Variants in MAST2 observed in about 807,000 individuals in gnomAD.
MAST2 encodes the protein microtubule-associated serine/threonine-protein kinase 2.
Under a neutral mutation model 147.4 loss-of-function variants are expected in MAST2, and 70 were observed. The observed-to-expected ratio is 0.47, with a 90% CI of 0.39 to 0.58. The LOEUF is 0.58. MAST2 is among the 20% of genes least tolerant of loss of function. MAST2 has a pLI of 0.00. For missense variants in MAST2, 2,080 were observed against 2,302.3 expected, an observed-to-expected ratio of 0.90 and a Z score of 1.98; for synonymous variants, 869 against 896.8, an observed-to-expected ratio of 0.97 and a Z score of 0.55.
At chr1:46,003,213 T>A (rs759454306) in intron 7 of MAST2, among the ~76,000 whole-genome samples, 2 of 152,166 alleles carry the variant, frequency 1.3e-5, no homozygotes, top group Non-Finnish European at 2.9e-5. Context: ...TCCTCCATCC[T>A]TATTTCTAGA....
At chr1:45,817,621 G>A (rs1051651496) in intron 1 of MAST2, among the ~76,000 whole-genome samples, 1 of 152,050 alleles carries the variant, frequency 6.6e-6, no homozygotes, top group Non-Finnish European at 1.5e-5. Flanking sequence ...TGAGCAATAA[G>A]AAATCATCTG....
At chr1:45,873,857 G>C (rs1045741499) in intron 3 of MAST2, among the ~76,000 whole-genome samples, 1 of 152,164 alleles carries the variant, frequency 6.6e-6, no homozygotes, top group Non-Finnish European at 1.5e-5. Context: ...ATCTCTCTCT[G>C]TTGCCCAGGC....
At chr1:45,966,101 A>G (rs933120827) in intron 5 of MAST2, among the ~76,000 whole-genome samples, 25 of 152,198 alleles carry the variant, frequency 1.6e-4, no homozygotes, top group Non-Finnish European at 2.8e-4. Context: ...CCAGAATGTC[A>G]TATAGTTGGA....
intron 3 of MAST2, chr1:45,847,112 A>G (rs1570352799): frequency 2.0e-6 from 1 of 492,570 alleles, no homozygotes; most frequent in East Asian, 5.7e-5. Context: ...GAATTGCATC[A>G]TTAGCACAGA....
rs1431803851 is a variant in MAST2 at position 46,000,708 on chromosome 1, G to A, written c.669-2097G>A. 2.0e-5 allele frequency among the ~76,000 whole-genome samples: 3 copies of A among 152,232 alleles called. No individual in the cohort carries two copies. In the East Asian group the frequency reaches 5.8e-4, roughly 29 times the overall value. On this transcript the variant is annotated intron_variant, in intron 6 of 28. Transcript: ENST00000361297. Reference sequence around the variant, plus strand: ...AAGTGTTTCAACCCTGCCAAACAGAGTATCAGGAATCGTTTGTTTCTGTGT... The same window carrying A: ...AAGTGTTTCAACCCTGCCAAACAGAATATCAGGAATCGTTTGTTTCTGTGT...
intron 4 of MAST2, among the ~76,000 whole-genome samples, chr1:45,930,425 T>TGTTTTG (rs745621771): frequency 2.0e-5 from 3 of 151,302 alleles, no homozygotes; most frequent in Non-Finnish European, 4.4e-5. Context: ...TGTTTTGTTT[T>TGTTTTG]GTTTATCTTA....
chr1:45,891,507 C>T (rs1171306385), intron 4 of MAST2, among the ~76,000 whole-genome samples: 3 of 152,054 alleles, frequency 2.0e-5, no homozygotes, highest in African/African-American at 7.2e-5. Flanking sequence ...AATTATTTCA[C>T]ATAACGTCAG....
intron 3 of MAST2, among the ~76,000 whole-genome samples, chr1:45,867,039 C>G (rs1468790710): frequency 6.6e-6 from 1 of 152,106 alleles, no homozygotes; most frequent in African/African-American, 2.4e-5. Flanking sequence ...TGTGAGCCAC[C>G]GCACCCAGCC....
intron 5 of MAST2, among the ~76,000 whole-genome samples, chr1:45,968,398 G>A (rs1643714966): frequency 6.6e-6 from 1 of 151,154 alleles, no homozygotes; most frequent in Non-Finnish European, 1.5e-5. Flanking sequence ...TTTTTTGTTA[G>A]GGAAAATCTT....
At chr1:45,949,714 C>G (rs1557951483) in intron 4 of MAST2, among the ~76,000 whole-genome samples, 1 of 152,180 alleles carries the variant, frequency 6.6e-6, no homozygotes, top group Admixed American at 6.5e-5. Flanking sequence ...AATTTCATTA[C>G]TAGGTATATA....
chr1:45,850,942 A>G (rs565127559), intron 3 of MAST2, among the ~76,000 whole-genome samples: 45 of 144,188 alleles, frequency 3.1e-4, no homozygotes, highest in African/African-American at 1.0e-3. Context: ...TGTTTTGGCT[A>G]TTTGAGCTCT....
At chr1:46,027,933 C>T (rs367586843) in intron 17 of MAST2, 70 bp downstream of exon 17, 96 of 1,571,290 alleles carry the variant, frequency 6.1e-5, no homozygotes, top group South Asian at 5.5e-4. Context: ...GTCTTACGCC[C>T]GTAATCCCAA....
chr1:45,906,268 A>G (rs1462319134), intron 4 of MAST2, among the ~76,000 whole-genome samples: 5 of 152,186 alleles, frequency 3.3e-5, no homozygotes, highest in Non-Finnish European at 5.9e-5. Context: ...ATCCCATAAG[A>G]TTATAAAGGA....
intron 3 of MAST2, among the ~76,000 whole-genome samples, chr1:45,875,938 A>G (rs1646587197): frequency 6.6e-6 from 1 of 152,118 alleles, no homozygotes. Context: ...AAGCAGAACT[A>G]AAAGGACAGT....
chr1:45,876,543 G>A (rs1051763012), intron 3 of MAST2, among the ~76,000 whole-genome samples: 1 of 152,206 alleles, frequency 6.6e-6, no homozygotes, highest in Non-Finnish European at 1.5e-5. Context: ...GTTGCTGGAA[G>A]GTTATGAGTA....
At chr1:45,968,187 TTATCC>T (rs1247204854) in intron 5 of MAST2, among the ~76,000 whole-genome samples, 1 of 152,224 alleles carries the variant, frequency 6.6e-6, no homozygotes, top group Non-Finnish European at 1.5e-5. Context: ...TAAGGGATAC[TTATCC>T]TATATTATGT....
At chr1:46,019,967 C>T (rs954074523) in intron 11 of MAST2, among the ~76,000 whole-genome samples, 3 of 152,142 alleles carry the variant, frequency 2.0e-5, no homozygotes, top group African/African-American at 4.8e-5. Flanking sequence ...GGGTGAGAAG[C>T]GTCAGGAGCA....
rs746463181 is a variant in MAST2, at chr1:46,031,372, T to G, written c.2993-19T>G. Reference sequence around the variant, plus strand: ...GGCTCAGCGGCATCGCGGGTCTCACTGCTTACTTGGGCCTACAGCTATGGA... The same window carrying G: ...GGCTCAGCGGCATCGCGGGTCTCACGGCTTACTTGGGCCTACAGCTATGGA... On this transcript the variant is annotated intron_variant, in intron 23 of 28. Transcript: ENST00000361297. The surrounding 1 kb of genome is among the most constrained non-coding windows in gnomAD (Gnocchi z 4.1). The G allele has an allele frequency of 1.9e-6, 3 of 1,599,916 alleles. No homozygotes were observed. Among genetic ancestry groups the G allele is most frequent in the Admixed American group, 1.7e-5 (1 of 59,152 alleles).
chr1:46,008,655 T>G lies in MAST2; in HGVS notation c.978+284T>G, dbSNP rs77827945. On this transcript the variant is annotated intron_variant, in intron 9 of 28. Transcript: ENST00000361297. ...TATCCAGAGGGGAATGTCAGAAAGG[T>G]AGCCCACCATATATTAAAGAGGAAA... 7.4e-4 allele frequency among the ~76,000 whole-genome samples: 112 copies of G among 152,344 alleles called. 1 individual carries two copies. The East Asian group carries it at 0.011, about 15-fold the overall frequency.
Sources: allele counts gnomAD v4.1 joint callset (sites outside exome capture counted in the v4.1 genomes callset), GRCh38; gene constraint gnomAD v4.1.1; non-coding constraint Gnocchi (gnomAD v3.1); transcripts MANE v1.5; gene names NCBI Gene and HGNC (gene_info 2026-07-23, HGNC 2026-07-21).